DSCAM: variants seen among roughly 807,000 people sequenced by gnomAD.
DSCAM encodes the protein cell adhesion molecule DSCAM.
A neutral mutation model predicts 217.7 loss-of-function variants in DSCAM; 47 were observed. The ratio of observed to expected loss-of-function variants is 0.22; its 90% CI spans 0.17 to 0.28. The LOEUF is 0.28. Among genes scored for constraint, DSCAM ranks in the 10% least tolerant of loss-of-function variants. DSCAM has a pLI of 1.00. For missense variants in DSCAM, 2,080 were observed against 2,618.3 expected (o/e 0.79, Z 4.49); for synonymous variants, 1,056 against 1,015.3 (o/e 1.04, Z -0.76).
chr21:40,667,095 C>G (rs2090211512), intron 3 of DSCAM, among the ~76,000 whole-genome samples: 1 of 152,218 alleles, frequency 6.6e-6, no homozygotes, highest in Non-Finnish European at 1.5e-5. Context: ...CAGGTTAACT[C>G]CCTCCTCTCT....
chr21:40,826,994 G>A lies in DSCAM; in HGVS notation c.43+19625C>T, dbSNP rs73362369. Among the ~76,000 whole-genome samples the A allele has an allele frequency of 2.1e-3, 312 of 152,012 alleles. 1 individual carries two copies. The highest frequency in any genetic ancestry group is 6.9e-3 in the African/African-American group (284 of 41,456). ...GAGGAATTAGAGAGAGGAAGGGAAG[G>A]GAAAGGAAGCAGAGAGGAAAGGAGA... On this transcript the variant is annotated intron_variant, in intron 1 of 32. Transcript: ENST00000400454.
At chr21:40,228,144 C>CA (rs1367295753) in intron 11 of DSCAM, among the ~76,000 whole-genome samples, 2 of 152,158 alleles carry the variant, frequency 1.3e-5, no homozygotes, top group Non-Finnish European at 2.9e-5. Flanking sequence ...ATTCTCATCA[C>CA]ATCATATCAA....
At chr21:40,574,956 A>C (rs2076837028) in intron 3 of DSCAM, among the ~76,000 whole-genome samples, 1 of 152,152 alleles carries the variant, frequency 6.6e-6, no homozygotes, top group South Asian at 2.1e-4. Context: ...TTTCTAGAAC[A>C]ACCATATTGT....
chr21:40,389,321 A>G (rs570911725), intron 3 of DSCAM, among the ~76,000 whole-genome samples: 116 of 152,324 alleles, frequency 7.6e-4, no homozygotes, highest in African/African-American at 2.3e-3. Context: ...TTAAATAGCC[A>G]ATATTTTATG....
intron 3 of DSCAM, among the ~76,000 whole-genome samples, chr21:40,431,489 A>T (rs1345185407): frequency 1.3e-5 from 2 of 152,070 alleles, no homozygotes; most frequent in Non-Finnish European, 2.9e-5. Flanking sequence ...TGTGAAGACG[A>T]TGAAGACGGA....
At chr21:40,378,269 G>A (rs2074982697) in intron 3 of DSCAM, among the ~76,000 whole-genome samples, 1 of 152,158 alleles carries the variant, frequency 6.6e-6, no homozygotes, top group Non-Finnish European at 1.5e-5. Context: ...AAATTAAAAT[G>A]AGAGATTCTT....
chr21:40,641,632 A>G (rs1229220371), intron 3 of DSCAM, among the ~76,000 whole-genome samples: 2 of 152,196 alleles, frequency 1.3e-5, no homozygotes, highest in Non-Finnish European at 1.5e-5. Flanking sequence ...TATCTAGAAG[A>G]GAAGTTCTAG....
chr21:40,655,224 C>T (rs2090060748), intron 3 of DSCAM, among the ~76,000 whole-genome samples: 1 of 152,174 alleles, frequency 6.6e-6, no homozygotes, highest in Admixed American at 6.5e-5. Flanking sequence ...TTGTCTTAGT[C>T]CACATGTGCT....
chr21:40,071,045 C>G (rs1165416232), intron 27 of DSCAM, among the ~76,000 whole-genome samples: 3 of 152,238 alleles, frequency 2.0e-5, no homozygotes, highest in Non-Finnish European at 1.5e-5. Context: ...CTGGTGCCAA[C>G]AGAAGCTTGT....
At chr21:40,668,925 G>A (rs1228816775) in intron 3 of DSCAM, among the ~76,000 whole-genome samples, 1 of 152,028 alleles carries the variant, frequency 6.6e-6, no homozygotes, top group Non-Finnish European at 1.5e-5. Context: ...GCTAAAATGA[G>A]GCTCTGTAAT....
intron 31 of DSCAM, among the ~76,000 whole-genome samples, chr21:40,043,601 T>TA (rs1360015218): frequency 6.6e-6 from 1 of 152,184 alleles, no homozygotes. Flanking sequence ...CTGGATGACT[T>TA]ACCTTATAAC....
chr21:40,438,783 G>A (rs1011534116), intron 3 of DSCAM, among the ~76,000 whole-genome samples: 12 of 152,126 alleles, frequency 7.9e-5, no homozygotes, highest in Admixed American at 2.0e-4. Flanking sequence ...CATCTCTCAC[G>A]AGGCACTGTA....
At chr21:40,208,805 C>A (rs969549070) in intron 11 of DSCAM, among the ~76,000 whole-genome samples, 2 of 152,174 alleles carry the variant, frequency 1.3e-5, no homozygotes, top group African/African-American at 2.4e-5. Flanking sequence ...GCGGCTTTCA[C>A]TGCCCTACTC....
chr21:40,156,283 AAGACAGAGAGAGAGAGAGAGAG>A (rs1392594331), intron 16 of DSCAM, among the ~76,000 whole-genome samples: 44 of 86,262 alleles, frequency 5.1e-4, no homozygotes, highest in African/African-American at 1.6e-3. Flanking sequence ...CAGTCAAACT[AAGACAGAGAGAGAGAGAGAGAG>A]AGAGAGAGAG....
chr21:40,440,326 C>T (rs796093368), intron 3 of DSCAM, among the ~76,000 whole-genome samples: 122 of 138,042 alleles, frequency 8.8e-4, no homozygotes, highest in South Asian at 1.7e-3. Context: ...CTGAGCAACA[C>T]AGCCTCAGGG....
intron 8 of DSCAM, among the ~76,000 whole-genome samples, chr21:40,328,364 C>T (rs994699739): frequency 1.3e-5 from 2 of 152,018 alleles, no homozygotes; most frequent in East Asian, 1.9e-4. Flanking sequence ...GCCAAGAGCA[C>T]ACAATGGGGT....
chr21:40,816,074 G>A (rs778831787), intron 1 of DSCAM, among the ~76,000 whole-genome samples: 28 of 152,120 alleles, frequency 1.8e-4, no homozygotes, highest in Non-Finnish European at 4.0e-4. Context: ...ATCCCTTCCC[G>A]TCTACTAGAG....
intron 10 of DSCAM, among the ~76,000 whole-genome samples, chr21:40,283,801 A>C (rs745558106): frequency 1.3e-5 from 2 of 152,196 alleles, no homozygotes; most frequent in Non-Finnish European, 2.9e-5. Context: ...GATTGTATGA[A>C]TGTGGGTATA....
chr21:40,559,987 G>T (rs62223579), intron 3 of DSCAM, among the ~76,000 whole-genome samples: 13,666 of 151,886 alleles, frequency 0.09, 712 homozygotes, highest in East Asian at 0.23. Context: ...TAGAGACGGG[G>T]TTTCACCGTG....
Sources: allele counts gnomAD v4.1 joint callset (sites outside exome capture counted in the v4.1 genomes callset), GRCh38; gene constraint gnomAD v4.1.1; transcripts MANE v1.5; gene names NCBI Gene and HGNC (gene_info 2026-07-23, HGNC 2026-07-21).